EML6: variants seen among roughly 807,000 people sequenced by gnomAD.
The protein encoded by EML6 is echinoderm microtubule-associated protein-like 6.
In EML6, 154 loss-of-function variants were observed where a neutral mutation model predicts 240.1. That is an observed-to-expected ratio of 0.64 (90% confidence interval 0.56 to 0.73). The LOEUF (loss-of-function observed/expected upper bound fraction) is 0.73. Among genes scored for constraint, EML6 ranks in the 30% least tolerant of loss-of-function variants. The pLI is 0.00. For missense variants in EML6, 2,964 were observed against 2,474.6 expected (o/e 1.20, Z -4.20); for synonymous variants, 1,148 against 899.0 (o/e 1.28, Z -4.95).
At chr2:54,780,592 G>A (rs957527408) in intron 2 of EML6, among the ~76,000 whole-genome samples, 2 of 152,076 alleles carry the variant, frequency 1.3e-5, no homozygotes, top group African/African-American at 4.8e-5. Flanking sequence ...GAGAATTCAA[G>A]GTTAAAAAAG....
At chr2:54,939,954 A>G (rs1675345045) in intron 28 of EML6, among the ~76,000 whole-genome samples, 1 of 152,262 alleles carries the variant, frequency 6.6e-6, no homozygotes, top group South Asian at 2.1e-4. Flanking sequence ...TATTCTTAGC[A>G]GCAGATTATA....
At chr2:54,905,136 T>C (rs572750131) in intron 24 of EML6, among the ~76,000 whole-genome samples, 3 of 152,160 alleles carry the variant, frequency 2.0e-5, no homozygotes, top group African/African-American at 7.2e-5. Context: ...TTGACCGGCA[T>C]TTATGACCAG....
chr2:54,907,260 C>G (rs1408212996), intron 24 of EML6, among the ~76,000 whole-genome samples: 1 of 152,162 alleles, frequency 6.6e-6, no homozygotes, highest in Non-Finnish European at 1.5e-5. Flanking sequence ...CCTGTATTCT[C>G]AGCACTTTGG....
chr2:54,901,809 G>T (rs546923736), intron 22 of EML6, among the ~76,000 whole-genome samples: 1 of 152,322 alleles, frequency 6.6e-6, no homozygotes, highest in Non-Finnish European at 1.5e-5. Flanking sequence ...CCTATCCCTG[G>T]GGTGTGCTTA....
At chr2:54,814,885 C>T (rs1668013320) in intron 3 of EML6, among the ~76,000 whole-genome samples, 1 of 152,218 alleles carries the variant, frequency 6.6e-6, no homozygotes, top group South Asian at 2.1e-4. Context: ...CAGTTTAATG[C>T]ATGCATTCCC....
chr2:54,888,398 C>T (rs1672271868), intron 17 of EML6, among the ~76,000 whole-genome samples: 2 of 152,166 alleles, frequency 1.3e-5, no homozygotes, highest in Admixed American at 6.5e-5. Flanking sequence ...TGAAAAACAA[C>T]TCACCATTGT....
chr2:54,952,329 C>A (rs957791726), intron 30 of EML6, among the ~76,000 whole-genome samples: 1 of 152,114 alleles, frequency 6.6e-6, no homozygotes, highest in Non-Finnish European at 1.5e-5. Context: ...TGGACCCACA[C>A]AGAGTTGTGG....
intron 28 of EML6, among the ~76,000 whole-genome samples, chr2:54,937,800 TACTCTATCAATCAA>T (rs1675226190): frequency 6.6e-6 from 1 of 152,202 alleles, no homozygotes; most frequent in African/African-American, 2.4e-5. Context: ...TGTTTTTATA[TACTCTATCAATCAA>T]ACTTTGTGCA....
At chr2:54,730,002 G>T (rs140825970) in intron 2 of EML6, among the ~76,000 whole-genome samples, 1 of 152,154 alleles carries the variant, frequency 6.6e-6, no homozygotes, top group African/African-American at 2.4e-5. Context: ...TGGGCATGGT[G>T]GCAGGTGCCT....
At chr2:54,810,905 G>C (rs1667808820) in intron 2 of EML6, among the ~76,000 whole-genome samples, 1 of 152,120 alleles carries the variant, frequency 6.6e-6, no homozygotes, top group Non-Finnish European at 1.5e-5. Context: ...TGGATAGTTA[G>C]GCCATCTTTT....
At chr2:54,969,097 T>C (rs1263476381) in intron 41 of EML6, among the ~76,000 whole-genome samples, 2 of 152,194 alleles carry the variant, frequency 1.3e-5, no homozygotes, top group Admixed American at 6.5e-5. Context: ...TGGCAGCCCA[T>C]GGGCTTTTGT....
intron 7 of EML6, among the ~76,000 whole-genome samples, chr2:54,833,356 T>C (rs1668973978): frequency 6.6e-6 from 1 of 152,232 alleles, no homozygotes; most frequent in Non-Finnish European, 1.5e-5. Flanking sequence ...TTCTAATAAC[T>C]ATTAACTGTT....
intron 21 of EML6, among the ~76,000 whole-genome samples, chr2:54,898,098 T>C (rs1440559162): frequency 6.6e-6 from 1 of 151,962 alleles, no homozygotes; most frequent in African/African-American, 2.4e-5. Context: ...GCATTTCCCG[T>C]CATGTGTGCT....
intron 10 of EML6, among the ~76,000 whole-genome samples, chr2:54,853,150 G>T (rs1183717639): frequency 6.6e-6 from 1 of 152,090 alleles, no homozygotes; most frequent in Non-Finnish European, 1.5e-5. Flanking sequence ...AAAAATAGAA[G>T]TTCAGGATGA....
Position 54,957,926 on chromosome 2 carries a change from T to C in EML6, c.4623T>C (p.Leu1541=), listed in dbSNP as rs1176427215. Residue 1541 remains leucine (L), a synonymous_variant, in exon 33 of 42, where the codon CTT becomes CTC. Coordinates refer to ENST00000356458, the MANE Select transcript of EML6 (RefSeq NM_001039753.4). ...GGACCCTGGCAGGCAGCGCCTTGCT[T>C]TACAAGAAAGGGGTCATCGGGTCCC... The part of the protein sequence containing the change: ...KFWTLAGSAL[L]YKKGVIGSLG... 1.9e-6 allele frequency: 3 copies of C among 1,551,650 alleles called. No homozygotes were observed. Among genetic ancestry groups the C allele is most frequent in the South Asian group, 1.2e-5 (1 of 84,060 alleles).
rs754832102 is a variant in EML6 at position 54,866,820 on chromosome 2, G to T, written c.1987G>T (p.Ala663Ser). ...LKQQSKEKNH[A>S]VPFLKREKAP... The stretch of plus-strand genomic sequence containing the variant: ...GCAACAAAGTAAAGAGAAAAACCAC[G>T]CAGTGCCCTTCCTCAAACGAGAAAA... Residue 663 changes from alanine (A) to serine (S), a missense_variant, in exon 14 of 42, where the codon GCA (alanine) becomes TCA (serine). Transcript: ENST00000356458. 7.7e-6 allele frequency: 12 copies of T among 1,551,130 alleles called. No homozygotes were observed. Among genetic ancestry groups the T allele is most frequent in the Admixed American group, 5.9e-5 (3 of 50,978 alleles).
rs1672706675 is a variant in EML6 at position 54,895,331 on chromosome 2, C to T, written c.2913C>T (p.Ile971=). 1 of 1,551,886 alleles carries T rather than the reference C, an allele frequency of 6.4e-7. No homozygotes were observed. The highest frequency in any genetic ancestry group is 8.7e-7 in the Non-Finnish European group (1 of 1,146,938). Residue 971 remains isoleucine (I), a synonymous_variant, in exon 21 of 42, where the codon ATC becomes ATT. Coordinates refer to ENST00000356458, the MANE Select transcript of EML6 (RefSeq NM_001039753.4). ...IRAITLGHGH[I]LVGTKNGEIL... ...CCATCACTTTGGGACATGGACATAT[C>T]CTGGTGGGAACAAAAAATGGAGAGA...
At chr2:54,950,438 AGAC>A (rs1675916015) in intron 29 of EML6, among the ~76,000 whole-genome samples, 1 of 152,260 alleles carries the variant, frequency 6.6e-6, no homozygotes. Context: ...TCTGTGTGTT[AGAC>A]TGCCACCCCA....
chr2:54,947,146 C>T (rs1675733566), intron 28 of EML6, among the ~76,000 whole-genome samples: 1 of 152,136 alleles, frequency 6.6e-6, no homozygotes, highest in African/African-American at 2.4e-5. Context: ...CTCCTCATAG[C>T]CCCTGGCTTG....
Sources: gnomAD v4.1 joint callset for allele counts (sites outside exome capture counted in the v4.1 genomes callset) on GRCh38, gnomAD v4.1.1 for gene constraint, MANE v1.5 for transcripts, NCBI Gene and HGNC (gene_info 2026-07-23, HGNC 2026-07-21) for gene names.